The following SLC25A21 variants were observed in gnomAD, a reference collection of about 807,000 sequenced individuals.
SLC25A21 encodes solute carrier family 25 member 21.
SLC25A21 carries 47 observed loss-of-function variants against 43.8 expected under a neutral mutation model. The observed-to-expected ratio is 1.07, with a 90% CI of 0.85 to 1.37. The LOEUF is 1.37. SLC25A21 is among the 40% of genes most tolerant of loss of function. The probability of loss-of-function intolerance (pLI) is 0.00; values close to 1 mark genes in which losing one functional copy is unlikely to be tolerated. For missense variants in SLC25A21, 352 were observed against 350.2 expected, an observed-to-expected ratio of 1.00 and a Z score of -0.04; for synonymous variants, 131 against 121.3, an observed-to-expected ratio of 1.08 and a Z score of -0.52.
At chr14:37,113,139 C>T (rs1178618705) in intron 1 of SLC25A21, among the ~76,000 whole-genome samples, 3 of 152,126 alleles carry the variant, frequency 2.0e-5, no homozygotes, top group Non-Finnish European at 4.4e-5. Flanking sequence ...CAGATTTCAA[C>T]AGTCCAAAAA....
chr14:37,039,374 T>C (rs1472900168), intron 1 of SLC25A21, among the ~76,000 whole-genome samples: 1 of 152,154 alleles, frequency 6.6e-6, no homozygotes, highest in African/African-American at 2.4e-5. Context: ...CTAATAAACA[T>C]ATTCATCACC....
intron 1 of SLC25A21, among the ~76,000 whole-genome samples, chr14:36,923,203 A>T (rs903961383): frequency 2.0e-5 from 3 of 152,326 alleles, no homozygotes; most frequent in African/African-American, 4.8e-5. Flanking sequence ...ATAAAGAGAA[A>T]ATCTTAATGT....
chr14:37,044,898 G>C (rs1049655304), intron 1 of SLC25A21, among the ~76,000 whole-genome samples: 1 of 152,168 alleles, frequency 6.6e-6, no homozygotes, highest in African/African-American at 2.4e-5. Flanking sequence ...AATTGCTCTA[G>C]ATCAATGTCT....
At chr14:36,911,447 G>A (rs1891684111) in intron 1 of SLC25A21, among the ~76,000 whole-genome samples, 1 of 152,128 alleles carries the variant, frequency 6.6e-6, no homozygotes, top group South Asian at 2.1e-4. Flanking sequence ...TTGTATTCCT[G>A]CCCTGATGGG....
chr14:37,114,062 A>G (rs1963065533), intron 1 of SLC25A21, among the ~76,000 whole-genome samples: 1 of 152,152 alleles, frequency 6.6e-6, no homozygotes, highest in South Asian at 2.1e-4. Context: ...ACAAAAATGT[A>G]TAGCATGTTC....
At chr14:36,766,438 C>T (rs1886418512) in intron 3 of SLC25A21, among the ~76,000 whole-genome samples, 1 of 152,156 alleles carries the variant, frequency 6.6e-6, no homozygotes, top group African/African-American at 2.4e-5. Flanking sequence ...ACAGTATAAT[C>T]CTGGTCAGAT....
chr14:37,141,927 G>A (rs918930935), intron 1 of SLC25A21, among the ~76,000 whole-genome samples: 3 of 152,146 alleles, frequency 2.0e-5, no homozygotes, highest in Non-Finnish European at 4.4e-5. Context: ...AAAAAATGCT[G>A]ATTCCTGGGT....
chr14:37,063,228 G>C (rs1442383699), intron 1 of SLC25A21, among the ~76,000 whole-genome samples: 1 of 152,052 alleles, frequency 6.6e-6, no homozygotes, highest in African/African-American at 2.4e-5. Flanking sequence ...GTCCAGGTGA[G>C]GTGGCTCACA....
chr14:36,797,406 G>A (rs1424172517), intron 3 of SLC25A21, among the ~76,000 whole-genome samples: 2 of 152,152 alleles, frequency 1.3e-5, no homozygotes, highest in African/African-American at 4.8e-5. Context: ...TTTCAGAAGA[G>A]TTTAAAATAA....
At chr14:37,094,679 A>C (rs762383005) in intron 1 of SLC25A21, among the ~76,000 whole-genome samples, 42 of 151,698 alleles carry the variant, frequency 2.8e-4, no homozygotes, top group Non-Finnish European at 5.4e-4. Flanking sequence ...CACACACGTG[A>C]CTCTAGATGA....
intron 1 of SLC25A21, among the ~76,000 whole-genome samples, chr14:36,917,674 A>G (rs925103284): frequency 1.3e-5 from 2 of 152,160 alleles, no homozygotes; most frequent in African/African-American, 4.8e-5. Context: ...CAAAAAATAT[A>G]AAGTCAATTG....
chr14:36,799,357 C>T (rs868504846), intron 3 of SLC25A21, among the ~76,000 whole-genome samples: 27 of 151,966 alleles, frequency 1.8e-4, no homozygotes, highest in Admixed American at 7.9e-4. Context: ...ATCTTGTGGC[C>T]CCGAGCAATT....
At chr14:36,724,368 C>G (rs1884500308) in intron 6 of SLC25A21, among the ~76,000 whole-genome samples, 1 of 152,164 alleles carries the variant, frequency 6.6e-6, no homozygotes, top group Non-Finnish European at 1.5e-5. Flanking sequence ...CCAGGAAGCT[C>G]TCAGGCAGCA....
intron 3 of SLC25A21, among the ~76,000 whole-genome samples, chr14:36,754,707 G>A (rs1273114912): frequency 1.4e-5 from 2 of 147,916 alleles, no homozygotes; most frequent in African/African-American, 2.6e-5. Flanking sequence ...TTGATGGCAC[G>A]AACATACAAA....
chr14:36,810,089 T>C (rs1284288998), intron 3 of SLC25A21, among the ~76,000 whole-genome samples: 2 of 152,218 alleles, frequency 1.3e-5, no homozygotes, highest in Non-Finnish European at 2.9e-5. Context: ...GAGCTTTTTA[T>C]TTTGTATTTT....
chr14:37,151,308 T>C (rs1963755313), intron 1 of SLC25A21, among the ~76,000 whole-genome samples: 1 of 152,184 alleles, frequency 6.6e-6, no homozygotes, highest in African/African-American at 2.4e-5. Context: ...CGAATTCAGT[T>C]AACAATACGT....
chr14:37,086,490 A>C (rs932115010), intron 1 of SLC25A21, among the ~76,000 whole-genome samples: 1 of 152,168 alleles, frequency 6.6e-6, no homozygotes, highest in African/African-American at 2.4e-5. Flanking sequence ...GAGTCTTCTG[A>C]ATAATAAATG....
chr14:36,916,566 GCTAT>G (rs1180506440), intron 1 of SLC25A21, among the ~76,000 whole-genome samples: 4 of 152,174 alleles, frequency 2.6e-5, no homozygotes, highest in Non-Finnish European at 4.4e-5. Context: ...ATGAAAAGAT[GCTAT>G]CTAATTATGT....
Position 36,678,621 on chromosome 14 carries a change from T to C in SLC25A21, c.*2037A>G, listed in dbSNP as rs1379900206. The C allele has an allele frequency of 7.6e-6, 10 of 1,317,506 alleles. No homozygotes were observed. In the Admixed American group the frequency reaches 2.0e-4, roughly 26 times the overall value. 81.6% of individuals were successfully genotyped at this position (1,317,506 alleles called of 1,614,324 possible). On this transcript the variant is annotated 3_prime_UTR_variant, in exon 10 of 10. Coordinates refer to ENST00000331299, the MANE Select transcript of SLC25A21 (RefSeq NM_030631.4). ...TGATGTAAGGTACAGAACTATTCTT[T>C]ATCAAATGTTTTTAGGTGGCTGTTA...
Sources: gnomAD v4.1 joint callset for allele counts (sites outside exome capture counted in the v4.1 genomes callset) on GRCh38, gnomAD v4.1.1 for gene constraint, MANE v1.5 for transcripts, NCBI Gene and HGNC (gene_info 2026-07-23, HGNC 2026-07-21) for gene names.